ELMO1: variants seen among roughly 807,000 people sequenced by gnomAD.
ELMO1 encodes engulfment and cell motility protein 1.
ELMO1 carries 26 observed loss-of-function variants against 98.9 expected under a neutral mutation model. The ratio of observed to expected loss-of-function variants is 0.26; its 90% CI spans 0.19 to 0.36. ELMO1 has a LOEUF of 0.36. Among genes scored for constraint, ELMO1 ranks in the 10% least tolerant of loss-of-function variants. The pLI is 1.00. For missense variants in ELMO1, 627 were observed against 935.2 expected, an observed-to-expected ratio of 0.67 and a Z score of 4.30; for synonymous variants, 346 against 346.0, an observed-to-expected ratio of 1.00 and a Z score of 0.00.
chr7:37,193,506 T>A (rs1388411691), intron 13 of ELMO1, among the ~76,000 whole-genome samples: 1 of 152,168 alleles, frequency 6.6e-6, no homozygotes, highest in Non-Finnish European at 1.5e-5. Context: ...CCAGGGGTTA[T>A]CAGAGAGTGA....
chr7:36,967,801 C>G (rs1467460245), intron 16 of ELMO1, among the ~76,000 whole-genome samples: 4 of 152,174 alleles, frequency 2.6e-5, no homozygotes, highest in Non-Finnish European at 5.9e-5. Flanking sequence ...TCTTCTCCCT[C>G]CACCTCTCAT....
intron 16 of ELMO1, among the ~76,000 whole-genome samples, chr7:36,947,170 G>T (rs1387498869): frequency 6.6e-6 from 1 of 152,140 alleles, no homozygotes. Context: ...CCACTCTTAT[G>T]TCCCTGTGTA....
intron 13 of ELMO1, among the ~76,000 whole-genome samples, chr7:37,146,139 T>A (rs79702903): frequency 0.024 from 3,694 of 152,210 alleles, 164 homozygotes; most frequent in African/African-American, 0.085. Flanking sequence ...TTTTTAAAGC[T>A]CCCCAGAACA....
intron 1 of ELMO1, among the ~76,000 whole-genome samples, chr7:37,379,089 G>C (rs1802483499): frequency 6.6e-6 from 1 of 151,812 alleles, no homozygotes; most frequent in Non-Finnish European, 1.5e-5. Context: ...GCCCAGGCTG[G>C]AGTGCAGTGG....
intron 14 of ELMO1, among the ~76,000 whole-genome samples, chr7:37,125,646 AAC>A (rs1490093775): frequency 6.6e-6 from 1 of 152,240 alleles, no homozygotes; most frequent in Non-Finnish European, 1.5e-5. Context: ...GTCAGGAAAC[AAC>A]AAGTGCTGGA....
intron 1 of ELMO1, among the ~76,000 whole-genome samples, chr7:37,402,596 A>T (rs886071853): frequency 1.3e-5 from 2 of 152,168 alleles, no homozygotes; most frequent in Non-Finnish European, 2.9e-5. Context: ...AGGGAGAGAG[A>T]GTCTGGATCC....
chr7:37,415,824 A>T (rs1486231622), intron 1 of ELMO1, among the ~76,000 whole-genome samples: 1 of 152,208 alleles, frequency 6.6e-6, no homozygotes, highest in African/African-American at 2.4e-5. Context: ...ATTCTTGATT[A>T]TTTGCTTTGG....
chr7:37,205,642 G>T (rs1792571477), intron 13 of ELMO1, among the ~76,000 whole-genome samples: 1 of 152,098 alleles, frequency 6.6e-6, no homozygotes, highest in Admixed American at 6.5e-5. Context: ...ACTGGGAAAG[G>T]GACACCTGTT....
At chr7:37,433,886 C>T (rs1805034561) in intron 1 of ELMO1, among the ~76,000 whole-genome samples, 1 of 152,136 alleles carries the variant, frequency 6.6e-6, no homozygotes, top group Non-Finnish European at 1.5e-5. Context: ...ATCTCCCCTC[C>T]TCATCAGGCC....
intron 15 of ELMO1, among the ~76,000 whole-genome samples, chr7:37,040,444 A>G (rs918459084): frequency 6.6e-6 from 1 of 152,212 alleles, no homozygotes; most frequent in Non-Finnish European, 1.5e-5. Flanking sequence ...TAGCATCATT[A>G]TGACAAAAAC....
intron 10 of ELMO1, among the ~76,000 whole-genome samples, chr7:37,221,695 CT>C (rs1043248374): frequency 7.8e-6 from 1 of 128,768 alleles, no homozygotes. Context: ...GGGTTCCTTC[CT>C]TTTTTTTTCT....
At chr7:36,946,164 G>A (rs896615848) in intron 16 of ELMO1, among the ~76,000 whole-genome samples, 11 of 152,240 alleles carry the variant, frequency 7.2e-5, no homozygotes, top group African/African-American at 2.2e-4. Flanking sequence ...CATCTGTGGC[G>A]TTTCTGCAGC....
intron 2 of ELMO1, among the ~76,000 whole-genome samples, chr7:37,322,953 G>A (rs1347103845): frequency 6.6e-6 from 1 of 152,122 alleles, no homozygotes; most frequent in Admixed American, 6.5e-5. Flanking sequence ...ACTCAACAGT[G>A]AGCTGAAAAA....
intron 4 of ELMO1, among the ~76,000 whole-genome samples, chr7:37,281,236 G>C (rs1007921173): frequency 2.0e-5 from 3 of 151,016 alleles, no homozygotes; most frequent in Non-Finnish European, 4.4e-5. Flanking sequence ...GGGGGGAAGA[G>C]CGGGAGGGGG....
chr7:37,152,028 G>A (rs1186791597), intron 13 of ELMO1, among the ~76,000 whole-genome samples: 1 of 152,164 alleles, frequency 6.6e-6, no homozygotes, highest in Non-Finnish European at 1.5e-5. Flanking sequence ...TAATAACCTT[G>A]ATGAAGGATG....
chr7:37,094,553 G>A (rs1199884429), intron 15 of ELMO1, among the ~76,000 whole-genome samples: 1 of 152,086 alleles, frequency 6.6e-6, no homozygotes, highest in African/African-American at 2.4e-5. Context: ...CTTGCCAGCT[G>A]AGGTCCCCTC....
chr7:36,928,311 C>T (rs1042558477), intron 16 of ELMO1, among the ~76,000 whole-genome samples: 4 of 152,086 alleles, frequency 2.6e-5, no homozygotes, highest in African/African-American at 7.2e-5. Flanking sequence ...CCTTTCCCAC[C>T]GACTCAACAG....
At chr7:37,345,173 T>A (rs1231586149) in intron 1 of ELMO1, among the ~76,000 whole-genome samples, 1 of 152,092 alleles carries the variant, frequency 6.6e-6, no homozygotes, top group Non-Finnish European at 1.5e-5. Context: ...CAAGAGCAAA[T>A]CTACAAAGCA....
intron 7 of ELMO1, among the ~76,000 whole-genome samples, chr7:37,234,304 T>C (rs767690682): frequency 3.9e-5 from 6 of 152,224 alleles, no homozygotes; most frequent in Non-Finnish European, 7.3e-5. Context: ...CATATTTAGA[T>C]TGAACCTTCC....
Sources: allele counts gnomAD v4.1 joint callset (sites outside exome capture counted in the v4.1 genomes callset), GRCh38; gene constraint gnomAD v4.1.1; transcripts MANE v1.5; gene names NCBI Gene and HGNC (gene_info 2026-07-23, HGNC 2026-07-21).